Variants in GAS7 observed in about 807,000 individuals in gnomAD.
The protein encoded by GAS7 is growth arrest specific 7, also known as growth arrest-specific protein 7.
GAS7 carries 28 observed loss-of-function variants against 71.1 expected under a neutral mutation model. The observed-to-expected ratio is 0.39, with a 90% CI of 0.29 to 0.54. The LOEUF (loss-of-function observed/expected upper bound fraction) is 0.54. Among genes scored for constraint, GAS7 ranks in the 20% least tolerant of loss-of-function variants. The pLI is 0.62. For missense variants in GAS7, 436 were observed against 627.8 expected (o/e 0.69, Z 3.27); for synonymous variants, 258 against 245.8 (o/e 1.05, Z -0.46).
chr17:9,982,839 A>AAGAAAGAC (rs2152131636), intron 2 of GAS7, among the ~76,000 whole-genome samples: 4 of 149,206 alleles, frequency 2.7e-5, no homozygotes, highest in Admixed American at 2.6e-4. Flanking sequence ...GAAAGAAAGA[A>AAGAAAGAC]AGAAAGAAAG....
intron 1 of GAS7, among the ~76,000 whole-genome samples, chr17:10,111,968 T>C (rs2073817731): frequency 1.3e-5 from 2 of 152,218 alleles, no homozygotes; most frequent in Admixed American, 1.3e-4. Context: ...AGTGGACACA[T>C]ACAGCCCCTC....
chr17:10,069,755 T>C (rs537932628), intron 1 of GAS7, among the ~76,000 whole-genome samples: 1 of 152,356 alleles, frequency 6.6e-6, no homozygotes, highest in East Asian at 1.9e-4. Flanking sequence ...TATTTGCTAA[T>C]ATTTTTAGTT....
intron 1 of GAS7, among the ~76,000 whole-genome samples, chr17:10,181,835 C>CA (rs537012759): frequency 6.6e-5 from 10 of 152,236 alleles, no homozygotes; most frequent in Non-Finnish European, 1.5e-4. Context: ...AGGAGCCGGC[C>CA]AAAACCCACC....
chr17:10,029,028 G>A (rs1054602715), intron 1 of GAS7, among the ~76,000 whole-genome samples: 7 of 152,202 alleles, frequency 4.6e-5, no homozygotes, highest in East Asian at 1.9e-4. Context: ...CACACGGGAC[G>A]TCCTACGCTG....
At position 9,912,556 on chromosome 17, in the gene GAS7, G is replaced by A. The variant is rs982650002; in HGVS notation, c.*4672C>T. On this transcript the variant is annotated 3_prime_UTR_variant, in exon 14 of 14. Coordinates refer to ENST00000432992, the MANE Select transcript of GAS7 (RefSeq NM_201433.2). ...CTGGGTCCCAGAAGGGAGCAGATCT[G>A]CTGGCTGAGATGCAAGCTTCAGGTT... 7 of 232,878 alleles carry A rather than the reference G, an allele frequency of 3.0e-5. No individual in the cohort carries two copies. Among genetic ancestry groups the A allele is most frequent in the Non-Finnish European group, 5.9e-5 (7 of 117,870 alleles). The allele number at this position is 232,878 out of a possible 1,614,324, so 14.4% of individuals were successfully genotyped here.
chr17:10,118,803 C>A (rs1286276896), intron 1 of GAS7, among the ~76,000 whole-genome samples: 1 of 151,496 alleles, frequency 6.6e-6, no homozygotes, highest in Non-Finnish European at 1.5e-5. Context: ...ACCATGAGGA[C>A]CAAGCAGGCC....
At chr17:10,133,108 T>TTTTATATATATATATATATA (rs1555535947) in intron 1 of GAS7, among the ~76,000 whole-genome samples, 1 of 124,154 alleles carries the variant, frequency 8.1e-6, no homozygotes, top group African/African-American at 3.0e-5. Flanking sequence ...TATAATTAGA[T>TTTTATATATATATATATATA]TATATATTTT....
chr17:9,999,968 A>T (rs2071202207), intron 2 of GAS7, among the ~76,000 whole-genome samples: 1 of 152,224 alleles, frequency 6.6e-6, no homozygotes, highest in African/African-American at 2.4e-5. Context: ...AGATGCTAGG[A>T]ACAGGGGCAG....
chr17:10,196,327 G>A (rs1168076249), intron 1 of GAS7, among the ~76,000 whole-genome samples: 3 of 152,266 alleles, frequency 2.0e-5, no homozygotes, highest in South Asian at 2.1e-4. Flanking sequence ...TAAAATGGGG[G>A]AAGTACCTCA....
At chr17:10,197,298 G>C (rs145039499) in intron 1 of GAS7, among the ~76,000 whole-genome samples, 71 of 152,272 alleles carry the variant, frequency 4.7e-4, no homozygotes, top group African/African-American at 1.5e-3. Context: ...TGTTTTACCA[G>C]AATGTTTAGG....
chr17:10,037,258 C>T (rs991302283), intron 1 of GAS7, among the ~76,000 whole-genome samples: 3 of 152,162 alleles, frequency 2.0e-5, no homozygotes, highest in African/African-American at 7.2e-5. Context: ...GGATTGGACC[C>T]CAAGAGCAAT....
chr17:10,053,894 C>T (rs2073098210), intron 1 of GAS7, among the ~76,000 whole-genome samples: 1 of 152,174 alleles, frequency 6.6e-6, no homozygotes, highest in Non-Finnish European at 1.5e-5. Context: ...TCTCAAGCTT[C>T]AGCATGCATC....
chr17:10,153,204 C>T (rs1422265027), intron 1 of GAS7, among the ~76,000 whole-genome samples: 8 of 17,516 alleles, frequency 4.6e-4, no homozygotes, highest in South Asian at 4.9e-3. Flanking sequence ...GGCAAGCCTC[C>T]GTCTCAAAAA....
At chr17:10,154,137 T>C (rs998153736) in intron 1 of GAS7, among the ~76,000 whole-genome samples, 1 of 152,132 alleles carries the variant, frequency 6.6e-6, no homozygotes, top group Admixed American at 6.5e-5. Context: ...TTTTGGCAAA[T>C]AGAATATAAA....
intron 5 of GAS7, among the ~76,000 whole-genome samples, chr17:9,951,069 G>A (rs1383694886): frequency 6.6e-6 from 1 of 152,174 alleles, no homozygotes; most frequent in Admixed American, 6.5e-5. Flanking sequence ...TGTGTCCAGA[G>A]ACAAGTCTCC....
At chr17:9,963,530 T>C (rs2069585426) in intron 4 of GAS7, among the ~76,000 whole-genome samples, 1 of 152,062 alleles carries the variant, frequency 6.6e-6, no homozygotes, top group Non-Finnish European at 1.5e-5. Flanking sequence ...TGTATCTGTG[T>C]GTGAACCTGA....
Position 10,105,742 on chromosome 17 carries a change from T to A in GAS7, c.184-85845A>T, listed in dbSNP as rs59493109. On this transcript the variant is annotated intron_variant, in intron 1 of 13. Transcript: ENST00000432992. The stretch of plus-strand genomic sequence containing the variant: ...AGCCCGTGTAACTGCAGAGCACGTA[T>A]CACTAGCTCATGCCTTTCTTGTTTG... Among the ~76,000 whole-genome samples the A allele has an allele frequency of 2.4e-3, 358 of 152,274 alleles. 1 individual carries two copies. Among genetic ancestry groups the A allele is most frequent in the African/African-American group, 8.4e-3 (349 of 41,552 alleles).
intron 1 of GAS7, among the ~76,000 whole-genome samples, chr17:10,129,061 G>A (rs533304625): frequency 2.6e-5 from 4 of 152,238 alleles, no homozygotes; most frequent in African/African-American, 9.6e-5. Flanking sequence ...AATAACATAG[G>A]TAAGAGGAGC....
At chr17:10,122,605 C>A (rs909757963) in intron 1 of GAS7, among the ~76,000 whole-genome samples, 1 of 152,152 alleles carries the variant, frequency 6.6e-6, no homozygotes, top group South Asian at 2.1e-4. Context: ...AGCCTACCCC[C>A]ACTTGTGGTG....
Sources: allele counts gnomAD v4.1 joint callset (sites outside exome capture counted in the v4.1 genomes callset), GRCh38; gene constraint gnomAD v4.1.1; transcripts MANE v1.5; gene names NCBI Gene and HGNC (gene_info 2026-07-23, HGNC 2026-07-21).